Variants in PUDP observed in about 807,000 individuals in gnomAD.
The protein encoded by PUDP is pseudouridine-5'-phosphatase.
Under a neutral mutation model 9.4 loss-of-function variants are expected in PUDP, and 8 were observed. That is an observed-to-expected ratio of 0.85 (90% CI 0.50 to 1.53). PUDP has a LOEUF of 1.53. Ranked by LOEUF, PUDP falls within the 40% of genes most tolerant of loss-of-function variation. The pLI, the probability that PUDP is intolerant of heterozygous loss-of-function variation, is 0.00. For missense variants in PUDP, 188 were observed against 189.7 expected, an observed-to-expected ratio of 0.99 and a Z score of 0.05; for synonymous variants, 99 against 80.7, an observed-to-expected ratio of 1.23 and a Z score of -1.22.
At chrX:7,000,721 T>A (rs903694834) in intron 1 of PUDP, among the ~76,000 whole-genome samples, 2 of 109,214 alleles carry the variant, frequency 1.8e-5, no homozygotes, top group African/African-American at 6.6e-5. Context: ...AAGCATTTGA[T>A]AAGGTCACTA....
Position 7,122,715 on chromosome X carries a change from G to A in PUDP, c.62-16877C>T, listed in dbSNP as rs1467802839. On this transcript the variant is annotated intron_variant, in intron 1 of 3. Coordinates refer to ENST00000381077, the MANE Select transcript of PUDP (RefSeq NM_012080.5). ...TATAAAGACTGTGTGGATACAGCTG[G>A]CTCAAATTCAGATTCTCATCACCCG... is the stretch of plus-strand genomic sequence containing the variant. 2.7e-5 allele frequency among the ~76,000 whole-genome samples: 3 copies of A among 111,688 alleles called. No individual in the cohort carries two copies. The Admixed American group carries it at 2.9e-4, about 11-fold the overall frequency.
intron 2 of PUDP, among the ~76,000 whole-genome samples, chrX:7,084,074 T>A (rs926388662): frequency 4.5e-5 from 5 of 110,631 alleles, no homozygotes; most frequent in Non-Finnish European, 9.5e-5. Context: ...GCCTCCATCC[T>A]CTTCCTAAGA....
At chrX:6,900,729 C>T (rs1204482357) in intron 3 of PUDP, among the ~76,000 whole-genome samples, 3 of 107,585 alleles carry the variant, frequency 2.8e-5, no homozygotes, top group African/African-American at 3.4e-5. Flanking sequence ...GAGTCAACCA[C>T]TGAGGACACG....
chrX:7,115,178 G>C (rs756620092), intron 1 of PUDP, among the ~76,000 whole-genome samples: 4 of 112,326 alleles, frequency 3.6e-5, no homozygotes, highest in East Asian at 5.6e-4. Context: ...GCCCTAATAA[G>C]CTAGCTCTTT....
intron 1 of PUDP, among the ~76,000 whole-genome samples, chrX:7,139,227 G>C (rs1270523456): frequency 8.9e-6 from 1 of 112,262 alleles, no homozygotes; most frequent in African/African-American, 3.2e-5. Flanking sequence ...ACCCAGCAGA[G>C]TATTTTCTAA....
intron 1 of PUDP, among the ~76,000 whole-genome samples, chrX:7,041,802 T>C (rs765181044): frequency 5.4e-5 from 6 of 110,747 alleles, no homozygotes; most frequent in Non-Finnish European, 1.9e-5. Context: ...CCTGCATTAA[T>C]CCTGTCCAAG....
intron 1 of PUDP, among the ~76,000 whole-genome samples, chrX:7,005,529 C>A (rs1283555334): frequency 9.2e-6 from 1 of 109,200 alleles, no homozygotes; most frequent in East Asian, 2.9e-4. Context: ...CGTACCTCAG[C>A]CTCCTGAGTA....
downstream of PUDP, among the ~76,000 whole-genome samples, chrX:7,045,892 A>G (rs1464329119): frequency 1.8e-5 from 2 of 112,092 alleles, no homozygotes; most frequent in Non-Finnish European, 3.8e-5. Context: ...AAAGCTACAT[A>G]TTTAAAAGAT....
chrX:6,948,346 G>C (rs1201422268), intron 3 of PUDP, among the ~76,000 whole-genome samples: 1 of 111,796 alleles, frequency 8.9e-6, no homozygotes, highest in Admixed American at 9.5e-5. Context: ...TGCAGAGGCT[G>C]AGAGATTGAG....
At chrX:7,000,551 T>C (rs1244616291) in intron 1 of PUDP, among the ~76,000 whole-genome samples, 7 of 109,438 alleles carry the variant, frequency 6.4e-5, no homozygotes, top group African/African-American at 2.0e-4. Context: ...TTTTATTAAA[T>C]ATAGGAACAA....
intron 1 of PUDP, among the ~76,000 whole-genome samples, chrX:6,993,003 C>G (rs909494406): frequency 9.0e-6 from 1 of 111,609 alleles, no homozygotes; most frequent in African/African-American, 3.3e-5. Context: ...AACTCTTGGA[C>G]CTATACCAGT....
At chrX:7,078,111 G>A (rs1375055832) in intron 2 of PUDP, among the ~76,000 whole-genome samples, 1 of 111,691 alleles carries the variant, frequency 9.0e-6, no homozygotes, top group Non-Finnish European at 1.9e-5. Flanking sequence ...TCCTCACACT[G>A]TCATTAGCCA....
chrX:6,868,350 T>C (rs1927121355), intron 3 of PUDP, among the ~76,000 whole-genome samples: 1 of 112,199 alleles, frequency 8.9e-6, no homozygotes, highest in Non-Finnish European at 1.9e-5. Context: ...GGCCTGACCC[T>C]GTGCTCCATA....
intron 1 of PUDP, among the ~76,000 whole-genome samples, chrX:7,020,435 T>G (rs1929617660): frequency 9.1e-6 from 1 of 110,179 alleles, no homozygotes; most frequent in Admixed American, 9.7e-5. Context: ...GCACCTCACC[T>G]TCATCCCCTG....
intron 3 of PUDP, among the ~76,000 whole-genome samples, chrX:6,896,901 A>G (rs1488370482): frequency 9.0e-6 from 1 of 111,545 alleles, no homozygotes; most frequent in Non-Finnish European, 1.9e-5. Flanking sequence ...TCTGAGTAGT[A>G]TAATTATTGC....
rs187544879 is a variant in PUDP at position 6,835,643 on chromosome X, A to G, written c.*248-129177T>C. On this transcript the variant is annotated intron_variant and NMD_transcript_variant, in intron 3 of 3. Transcript: ENST00000655425. The stretch of plus-strand genomic sequence containing the variant: ...ATCATCATTTACTCTCCCAGGGAGA[A>G]AGAAAGATTCCCTTGTCTCTCCCAA... Among the ~76,000 whole-genome samples the G allele has an allele frequency of 8.2e-4, 92 of 112,195 alleles. 1 individual carries two copies. Among genetic ancestry groups the G allele is most frequent in the Non-Finnish European group, 1.4e-3 (76 of 53,197 alleles).
chrX:6,958,118 C>T (rs932710701), intron 3 of PUDP, among the ~76,000 whole-genome samples: 2 of 112,277 alleles, frequency 1.8e-5, no homozygotes, highest in Non-Finnish European at 3.8e-5. Flanking sequence ...CATTTATAAC[C>T]TTACGCGTCC....
chrX:7,081,361 C>G (rs1341286807), intron 2 of PUDP, among the ~76,000 whole-genome samples: 1 of 111,782 alleles, frequency 8.9e-6, no homozygotes, highest in Non-Finnish European at 1.9e-5. Flanking sequence ...CCTATGTTAG[C>G]TAAGCTAGTC....
chrX:7,133,620 T>C (rs1932674689), intron 1 of PUDP, among the ~76,000 whole-genome samples: 1 of 110,643 alleles, frequency 9.0e-6, no homozygotes. Context: ...GGAAGGAAAA[T>C]GGGGGAGTGA....
Sources: allele counts gnomAD v4.1 joint callset (sites outside exome capture counted in the v4.1 genomes callset), GRCh38; gene constraint gnomAD v4.1.1; transcripts MANE v1.5; gene names NCBI Gene and HGNC (gene_info 2026-07-23, HGNC 2026-07-21).